Variants in CCDC148 observed in about 807,000 individuals in gnomAD.
The protein encoded by CCDC148 is coiled-coil domain-containing protein 148.
CCDC148 carries 89 observed loss-of-function variants against 85.7 expected under a neutral mutation model. That is an observed-to-expected ratio of 1.04 (90% CI 0.87 to 1.24). The LOEUF is 1.24. CCDC148 is among the 50% of genes most tolerant of loss of function. The pLI is 0.00. For missense variants in CCDC148, 692 were observed against 671.7 expected (o/e 1.03, Z -0.33); for synonymous variants, 230 against 213.9 (o/e 1.08, Z -0.66).
chr2:158,220,788 C>A, intron 10 of CCDC148, 75 bp from the exon 11 acceptor site: 1 of 1,131,272 alleles, frequency 8.8e-7, no homozygotes, highest in Non-Finnish European at 1.3e-6. Context: ...ATAACCATAT[C>A]CACTGGTTCG....
rs766321241 is a variant in CCDC148 at position 158,358,602 on chromosome 2, G to A, written c.26-32C>T. ...GTCATAAAAATAGAAAAATGACAAA[G>A]AAAGAATATCATGTTATTGGAAGTC... On this transcript the variant is annotated intron_variant, in intron 1 of 13. Transcript: ENST00000283233. 2.8e-6 allele frequency: 4 copies of A among 1,448,426 alleles called. No individual in the cohort carries two copies. In the South Asian group the frequency reaches 4.0e-5, roughly 15 times the overall value. The allele number at this position is 1,448,426 out of a possible 1,614,324, so 89.7% of individuals were successfully genotyped here. A position where few individuals can be genotyped will look rare whatever the true frequency, so the allele number is the denominator to read the frequency against.
chr2:158,249,942 G>T (rs963223495), intron 10 of CCDC148, among the ~76,000 whole-genome samples: 1 of 151,970 alleles, frequency 6.6e-6, no homozygotes, highest in Admixed American at 6.6e-5. Context: ...AGTCAAAACA[G>T]GTGTATAGGT....
At chr2:158,221,614 C>A (rs180740467) in intron 10 of CCDC148, among the ~76,000 whole-genome samples, 1 of 152,254 alleles carries the variant, frequency 6.6e-6, no homozygotes, top group Admixed American at 6.5e-5. Flanking sequence ...GTGGCATTTT[C>A]TTTTCTGAGA....
chr2:158,178,566 G>T (rs1684708532), intron 12 of CCDC148, among the ~76,000 whole-genome samples: 2 of 152,148 alleles, frequency 1.3e-5, no homozygotes, highest in South Asian at 4.1e-4. Context: ...AAAATTCGTA[G>T]ACTAGATGTA....
intron 11 of CCDC148, among the ~76,000 whole-genome samples, chr2:158,212,881 A>C (rs1686653457): frequency 6.6e-6 from 1 of 152,192 alleles, no homozygotes; most frequent in Non-Finnish European, 1.5e-5. Flanking sequence ...TGTCTAGGAA[A>C]AGAGAAATTA....
intron 9 of CCDC148, among the ~76,000 whole-genome samples, chr2:158,266,510 G>T (rs1379749978): frequency 6.6e-6 from 1 of 152,098 alleles, no homozygotes; most frequent in Non-Finnish European, 1.5e-5. Flanking sequence ...GAAACAGGTG[G>T]TATCTGGCTA....
At chr2:158,352,547 G>A (rs1345321065) in intron 2 of CCDC148, among the ~76,000 whole-genome samples, 2 of 151,880 alleles carry the variant, frequency 1.3e-5, no homozygotes, top group South Asian at 2.1e-4. Flanking sequence ...AAAGAAATGA[G>A]CAAAGCCTCC....
At chr2:158,205,836 A>G (rs1261437595) in intron 11 of CCDC148, among the ~76,000 whole-genome samples, 2 of 152,142 alleles carry the variant, frequency 1.3e-5, no homozygotes, top group Non-Finnish European at 2.9e-5. Flanking sequence ...CTTGTCCTTG[A>G]TGCAGAGGGT....
chr2:158,196,879 T>C (rs530247915), intron 11 of CCDC148, among the ~76,000 whole-genome samples: 3 of 152,312 alleles, frequency 2.0e-5, no homozygotes, highest in Admixed American at 1.3e-4. Flanking sequence ...TTACTTCTGA[T>C]TGACTAACTT....
intron 11 of CCDC148, among the ~76,000 whole-genome samples, chr2:158,214,124 A>T (rs913496359): frequency 1.2e-3 from 111 of 89,050 alleles, no homozygotes; most frequent in African/African-American, 3.8e-3. Context: ...ATTGTGGTAA[A>T]AAAAAAAAAA....
chr2:158,228,823 G>A lies in CCDC148; in HGVS notation c.1252-8110C>T, dbSNP rs555606986. 1.3e-3 allele frequency among the ~76,000 whole-genome samples: 174 copies of A among 134,246 alleles called. 1 individual carries two copies. The highest frequency in any genetic ancestry group is 2.3e-3 in the Non-Finnish European group (142 of 62,132). 88.1% of individuals were successfully genotyped at this position (134,246 alleles called of 152,430 possible). On this transcript the variant is annotated intron_variant, in intron 10 of 13. Transcript: ENST00000283233. The stretch of plus-strand genomic sequence containing the variant: ...GGGCCTGTTGTGGGGTTGGGGGGAG[G>A]GGGGAGGGATAGTATTTGGAGATAT...
At chr2:158,208,413 C>A (rs1686369926) in intron 11 of CCDC148, among the ~76,000 whole-genome samples, 1 of 152,136 alleles carries the variant, frequency 6.6e-6, no homozygotes, top group Admixed American at 6.5e-5. Context: ...AGGCCTGATG[C>A]TTGCTTTCCC....
chr2:158,420,237 A>T (rs1156940345), intron 1 of CCDC148: 2 of 152,204 alleles, frequency 1.3e-5, no homozygotes, highest in Non-Finnish European at 2.9e-5. Context: ...AAATTCAGGA[A>T]ATACAGAGAA....
At chr2:158,386,175 T>C (rs1208817227) in intron 1 of CCDC148, among the ~76,000 whole-genome samples, 1 of 152,118 alleles carries the variant, frequency 6.6e-6, no homozygotes. Context: ...ACCTGTTGCA[T>C]ACATTATAAC....
chr2:158,278,054 C>G (rs549801070), intron 9 of CCDC148, among the ~76,000 whole-genome samples: 1 of 152,220 alleles, frequency 6.6e-6, no homozygotes, highest in South Asian at 2.1e-4. Flanking sequence ...CCCTTCTAAC[C>G]AGATCCACAA....
chr2:158,244,457 C>A (rs1688483580), intron 10 of CCDC148, among the ~76,000 whole-genome samples: 2 of 152,122 alleles, frequency 1.3e-5, no homozygotes, highest in African/African-American at 4.8e-5. Flanking sequence ...TGCTTCCAAT[C>A]CCATTCATAA....
rs375077585 is a variant in CCDC148 at position 158,340,398 on chromosome 2, G to A, written c.335-5C>T. ...GTTGTTCTGATAGCTCTTGCTCTAT[G>A]GTGAAACAAAATTGAATTAAAGGAA... On this transcript the variant is annotated splice_polypyrimidine_tract_variant and splice_region_variant and intron_variant, in intron 4 of 13. Transcript: ENST00000283233. 15 of 1,611,650 alleles carry A rather than the reference G, an allele frequency of 9.3e-6. No individual in the cohort carries two copies. Among genetic ancestry groups the A allele is most frequent in the African/African-American group, 1.3e-5 (1 of 74,768 alleles).
chr2:158,274,406 A>C (rs1689832679), intron 9 of CCDC148, among the ~76,000 whole-genome samples: 1 of 152,216 alleles, frequency 6.6e-6, no homozygotes, highest in African/African-American at 2.4e-5. Flanking sequence ...AGATCCATCG[A>C]CACCTGCAGC....
chr2:158,343,608 T>C (rs1254464533), intron 3 of CCDC148, among the ~76,000 whole-genome samples: 3 of 152,176 alleles, frequency 2.0e-5, no homozygotes, highest in Non-Finnish European at 4.4e-5. Context: ...TTCTTAAATG[T>C]TGTCTTTTAT....
Sources: gnomAD v4.1 joint callset for allele counts (sites outside exome capture counted in the v4.1 genomes callset) on GRCh38, gnomAD v4.1.1 for gene constraint, MANE v1.5 for transcripts, NCBI Gene and HGNC (gene_info 2026-07-23, HGNC 2026-07-21) for gene names.